PANX3: variants seen among roughly 807,000 people sequenced by gnomAD.
PANX3 encodes pannexin 3.
PANX3 carries 18 observed loss-of-function variants against 31.5 expected under a neutral mutation model. The observed-to-expected ratio is 0.57, with a 90% CI of 0.39 to 0.85. PANX3 has a LOEUF of 0.85. PANX3 is among the 40% of genes least tolerant of loss of function. The pLI is 0.00. For synonymous variants in PANX3, 194 were observed against 201.6 expected (o/e 0.96, Z 0.32); for missense variants, 426 against 485.4 (o/e 0.88, Z 1.15).
chr11:124,612,494 T>C (rs1863105614), intron 1 of PANX3, among the ~76,000 whole-genome samples: 2 of 152,176 alleles, frequency 1.3e-5, no homozygotes, highest in Non-Finnish European at 2.9e-5. Context: ...CTCCCACTTC[T>C]TCCTCTTTCT....
chr11:124,613,155 G>A (rs377704173), intron 2 of PANX3, 33 bp downstream of exon 2: 7 of 1,605,302 alleles, frequency 4.4e-6, no homozygotes, highest in Non-Finnish European at 5.9e-6. Flanking sequence ...CCAGCTTCAC[G>A]GCTGAGTGGA....
At chr11:124,619,215 T>A (rs1297002309) in intron 3 of PANX3, 81 bp from the exon 4 acceptor site, 2 of 1,402,258 alleles carry the variant, frequency 1.4e-6, no homozygotes, top group Admixed American at 4.3e-5. Flanking sequence ...AAAACAGATC[T>A]GTTACTTTGT....
In PANX3 at chr11:124,619,803, A is replaced by G. The variant is rs771565470; in HGVS notation, c.1047A>G (p.Leu349=). ...ELISFSWLSV[L]CVLKDTTTQK... The stretch of plus-strand genomic sequence containing the variant: ...TCTCTTTTAGCTGGCTGAGTGTCTT[A>G]TGTGTGTTGAAGGATACAACCACCC... Residue 349 remains leucine, a synonymous_variant, in exon 4 of 4, where the codon TTA becomes TTG. Transcript: ENST00000284288. 2.5e-6 allele frequency: 4 copies of G among 1,614,134 alleles called. No homozygotes were observed. The South Asian group carries it at 3.3e-5, about 13-fold the overall frequency.
intron 2 of PANX3, among the ~76,000 whole-genome samples, chr11:124,614,940 G>C (rs1863136559): frequency 6.6e-6 from 1 of 152,022 alleles, no homozygotes; most frequent in Non-Finnish European, 1.5e-5. Context: ...CTCCCAAAGT[G>C]CTGGGATTAC....
At chr11:124,611,798 G>A in intron 1 of PANX3, 61 bp downstream of exon 1, 2 of 1,535,142 alleles carry the variant, frequency 1.3e-6, no homozygotes, top group South Asian at 2.4e-5. Context: ...CTCTCTGCAT[G>A]GGCTCTGAAG....
chr11:124,613,272 G>C, intron 2 of PANX3, 150 bp downstream of exon 2: 1 of 1,025,832 alleles, frequency 9.7e-7, no homozygotes, highest in Non-Finnish European at 1.4e-6. Context: ...CTCTGAATCT[G>C]GCAATCTTTG....
At chr11:124,617,768 A>G (rs1332295137) in intron 3 of PANX3, among the ~76,000 whole-genome samples, 1 of 152,212 alleles carries the variant, frequency 6.6e-6, no homozygotes, top group Non-Finnish European at 1.5e-5. Flanking sequence ...AGCTCCCTTC[A>G]TGCCTACCAA....
Position 124,611,697 on chromosome 11 carries a change from G to A in PANX3, c.141G>A (p.Leu47=). 6.2e-7 allele frequency: 1 copy of A among 1,614,160 alleles called. No homozygotes were observed. Among genetic ancestry groups the A allele is most frequent in the African/African-American group, 1.3e-5 (1 of 75,052 alleles). ...AGTTCGTAGCTGTGGGCTCCCCCTT[G>A]TTGCTGATGTCCCTGGCATTCGCCC... is the stretch of plus-strand genomic sequence containing the variant. ...IVKFVAVGSP[L]LLMSLAFAQE... The change falls in exon 1 of 4, where the codon TTG becomes TTA. Residue 47 remains leucine, a synonymous_variant. Coordinates refer to ENST00000284288, the MANE Select transcript of PANX3 (RefSeq NM_052959.3).
chr11:124,619,756 C>G lies in PANX3; in HGVS notation c.1000C>G (p.Arg334Gly). 6.2e-7 allele frequency: 1 copy of G among 1,614,144 alleles called. No homozygotes were observed. Reference protein sequence around the residue: ...NDLNVILLFLRANISELISFS... With the variant: ...NDLNVILLFLGANISELISFS... ...CCTCAATGTGATCCTTCTTTTCCTCCGAGCTAACATCTCTGAGCTCATCTC... is the reference window on the plus strand; with the variant it reads ...CCTCAATGTGATCCTTCTTTTCCTCGGAGCTAACATCTCTGAGCTCATCTC... The change falls in exon 4 of 4, where the codon CGA becomes GGA. Residue 334 changes from arginine to glycine, a missense_variant. Physicochemically the swap from Arg to Gly is moderately radical, Grantham distance 125 (BLOSUM62 -2). Coordinates refer to ENST00000284288, the MANE Select transcript of PANX3 (RefSeq NM_052959.3).
intron 2 of PANX3, among the ~76,000 whole-genome samples, chr11:124,617,031 C>G (rs780272525): frequency 1.2e-4 from 18 of 150,826 alleles, no homozygotes; most frequent in African/African-American, 4.2e-4. Context: ...GGACCCCACA[C>G]AGACCCTGGA....
In PANX3 at chr11:124,611,436, C is replaced by A. The variant is rs137893267; in HGVS notation, c.-121C>A. 3.4e-3 allele frequency: 2,907 copies of A among 855,460 alleles called. 9 individuals carry two copies. Among genetic ancestry groups the A allele is most frequent in the Middle Eastern group, 0.012 (34 of 2,930 alleles). The allele number at this position is 855,460 out of a possible 1,614,324, so 53.0% of individuals were successfully genotyped here. ...CATCGCCTGCTCCCAGCAGAGATAT[C>A]CATAAGGCTGGGGTGGCAGGCACTG... is the stretch of plus-strand genomic sequence containing the variant. On this transcript the variant is annotated 5_prime_UTR_variant, in exon 1 of 4. Transcript: ENST00000284288.
intron 2 of PANX3, 54 bp downstream of exon 2, chr11:124,613,176 A>T: frequency 6.3e-7 from 1 of 1,579,030 alleles, no homozygotes. Flanking sequence ...GTGGTGCAGA[A>T]CCCCTTCATT....
chr11:124,612,983 C>T lies in PANX3; in HGVS notation c.185C>T (p.Ser62Phe), dbSNP rs1863109178. ...LAFAQEFSSG[S>F]PISCFSPSNF... ...CAAAGCTGTGTTCCTGTTGCAGGGT[C>T]TCCGATCAGCTGCTTCTCTCCCAGT... Residue 62 changes from serine to phenylalanine, a missense_variant, in exon 2 of 4, where the codon TCT (serine) becomes TTT (phenylalanine). By Grantham distance (155) the Ser-to-Phe change is radical (BLOSUM62 -2). Coordinates refer to ENST00000284288, the MANE Select transcript of PANX3 (RefSeq NM_052959.3). 1.9e-6 allele frequency: 3 copies of T among 1,613,934 alleles called. No individual in the cohort carries two copies. The highest frequency in any genetic ancestry group is 1.1e-5 in the South Asian group (1 of 91,068).
At chr11:124,611,966 A>AAAT (rs1342508920) in intron 1 of PANX3, among the ~76,000 whole-genome samples, 4 of 152,096 alleles carry the variant, frequency 2.6e-5, no homozygotes, top group Admixed American at 6.5e-5. Flanking sequence ...AAAAAAAAAA[A>AAAT]AAAAAATTGT....
Position 124,611,611 on chromosome 11 carries a change from G to T in PANX3, c.55G>T (p.Asp19Tyr). The change falls in exon 1 of 4, where the codon GAC becomes TAC. Residue 19 changes from aspartate to tyrosine, a missense_variant. Transcript: ENST00000284288. ...EYMLSDALLP[D>Y]RRGPRLKGLR... The stretch of plus-strand genomic sequence containing the variant: ...CATGCTCTCAGATGCCCTGCTGCCT[G>T]ACCGCAGGGGACCCCGCCTCAAAGG... The T allele has an allele frequency of 6.2e-7, 1 of 1,614,146 alleles. No homozygotes were observed. The highest frequency in any genetic ancestry group is 1.1e-5 in the South Asian group (1 of 91,078).
intron 3 of PANX3, among the ~76,000 whole-genome samples, chr11:124,617,991 T>A (rs1220705062): frequency 3.9e-5 from 6 of 152,242 alleles, no homozygotes; most frequent in Admixed American, 3.9e-4. Context: ...TTCACTTGTA[T>A]GTGTTGGGGG....
chr11:124,617,486 G>T lies in PANX3; in HGVS notation c.537G>T (p.Glu179Asp). 6.2e-7 allele frequency: 1 copy of T among 1,614,078 alleles called. No homozygotes were observed. The highest frequency in any genetic ancestry group is 1.1e-5 in the South Asian group (1 of 91,084). Residue 179 changes from glutamate to aspartate, a missense_variant and splice_region_variant, in exon 3 of 4, where the codon GAG becomes GAT. Transcript: ENST00000284288. ...CCTATGTGTTCTGGAATGAGCTGGA[G>T]AAGTGAGTTGTCTCTTCCACCTTTT... ...SDPYVFWNEL[E>D]KARKERYFEF... is the part of the protein sequence containing the mutation.
rs376063465 is a variant in PANX3 at position 124,619,740 on chromosome 11, G to A, written c.984G>A (p.Val328=). The part of the protein sequence containing the change: ...MLGCPINDLN[V]ILLFLRANIS... The stretch of plus-strand genomic sequence containing the variant: ...GATGTCCCATCAATGACCTCAATGT[G>A]ATCCTTCTTTTCCTCCGAGCTAACA... Residue 328 remains valine, a synonymous_variant, in exon 4 of 4, where the codon GTG becomes GTA. Coordinates refer to ENST00000284288, the MANE Select transcript of PANX3 (RefSeq NM_052959.3). The A allele has an allele frequency of 8.1e-5, 131 of 1,614,154 alleles. 3 individuals are homozygous for A. Among genetic ancestry groups the A allele is most frequent in the South Asian group, 6.8e-4 (62 of 91,064 alleles).
At chr11:124,617,684 A>G (rs1275901833) in intron 3 of PANX3, among the ~76,000 whole-genome samples, 196 bp downstream of exon 3, 2 of 152,252 alleles carry the variant, frequency 1.3e-5, no homozygotes, top group Admixed American at 6.5e-5. Context: ...ACAGATGACC[A>G]CACTGAGCCC....
Sources: gnomAD v4.1 joint callset for allele counts (sites outside exome capture counted in the v4.1 genomes callset) on GRCh38, gnomAD v4.1.1 for gene constraint, MANE v1.5 for transcripts, NCBI Gene and HGNC (gene_info 2026-07-23, HGNC 2026-07-21) for gene names.